SCAPER: variants seen among roughly 807,000 people sequenced by gnomAD.
SCAPER encodes the protein S-phase cyclin A associated protein in the ER.
A neutral mutation model predicts 182.2 loss-of-function variants in SCAPER; 98 were observed. The observed-to-expected ratio is 0.54, with a 90% confidence interval of 0.46 to 0.64. The LOEUF (loss-of-function observed/expected upper bound fraction) is 0.64. SCAPER is among the 30% of genes least tolerant of loss of function. The probability of loss-of-function intolerance (pLI) is 0.00; values close to 1 mark genes in which losing one functional copy is unlikely to be tolerated. For missense variants in SCAPER, 1,432 were observed against 1,690.0 expected (o/e 0.85, Z 2.68); for synonymous variants, 605 against 564.6 (o/e 1.07, Z -1.01).
At chr15:76,725,950 C>A (rs1598391079) in intron 17 of SCAPER, among the ~76,000 whole-genome samples, 1 of 145,444 alleles carries the variant, frequency 6.9e-6, no homozygotes, top group East Asian at 2.0e-4. Flanking sequence ...TTGAATATGA[C>A]AAAAAAAAAG....
At chr15:76,814,779 A>G (rs1285282908) in intron 5 of SCAPER, among the ~76,000 whole-genome samples, 1 of 152,180 alleles carries the variant, frequency 6.6e-6, no homozygotes, top group Non-Finnish European at 1.5e-5. Context: ...CATCAAAATA[A>G]AAACTTTCCT....
chr15:76,389,656 G>T (rs2142006641), intron 27 of SCAPER, among the ~76,000 whole-genome samples: 1 of 150,264 alleles, frequency 6.7e-6, no homozygotes, highest in African/African-American at 2.4e-5. Context: ...TACTAAAAAA[G>T]AAATACAAAA....
chr15:76,752,454 C>A (rs553196438), intron 15 of SCAPER, among the ~76,000 whole-genome samples: 22 of 151,836 alleles, frequency 1.4e-4, no homozygotes, highest in African/African-American at 5.3e-4. Flanking sequence ...GCACTGTTCA[C>A]AATAGCTAAA....
intron 20 of SCAPER, among the ~76,000 whole-genome samples, chr15:76,675,830 G>GT (rs1001781244): frequency 0.017 from 2,520 of 144,688 alleles, 58 homozygotes; most frequent in African/African-American, 0.048. Flanking sequence ...CATGAAACTG[G>GT]TTTTTTTTTT....
At chr15:76,527,189 A>AAAATTAATTTCACCTATAATTTTATC (rs1358309843) in intron 23 of SCAPER, among the ~76,000 whole-genome samples, 2 of 152,200 alleles carry the variant, frequency 1.3e-5, no homozygotes, top group African/African-American at 4.8e-5. Context: ...ACAGTTTTAT[A>AAAATTAATTTCACCTATAATTTTATC]AAATTAATTT....
intron 5 of SCAPER, among the ~76,000 whole-genome samples, chr15:76,815,019 C>A (rs1319912624): frequency 3.4e-5 from 5 of 144,934 alleles, no homozygotes; most frequent in Non-Finnish European, 7.5e-5. Flanking sequence ...AAGTGCTCAA[C>A]ATCAGTAATC....
intron 21 of SCAPER, among the ~76,000 whole-genome samples, chr15:76,627,302 TGTAA>T (rs1218942158): frequency 6.6e-5 from 10 of 152,282 alleles, no homozygotes; most frequent in East Asian, 3.9e-4. Flanking sequence ...AATAGTATAT[TGTAA>T]GTGTCACCTG....
rs184925099 is a variant in SCAPER at position 76,586,263 on chromosome 15, A to T, written c.2712-11979T>A. ...ATACTTGGTCCATTTAGGAACTAAG[A>T]TTGTTCTTTAGCATAATGGATAGGA... On this transcript the variant is annotated intron_variant, in intron 22 of 31. Transcript: ENST00000563290. Among the ~76,000 whole-genome samples the T allele has an allele frequency of 1.6e-4, 25 of 152,324 alleles. No homozygotes were observed. In the East Asian group the frequency reaches 4.6e-3, roughly 28 times the overall value.
intron 20 of SCAPER, among the ~76,000 whole-genome samples, chr15:76,684,106 C>T (rs1227515013): frequency 6.6e-6 from 1 of 151,972 alleles, no homozygotes; most frequent in Non-Finnish European, 1.5e-5. Context: ...CCAGCCTCCA[C>T]AAAAACACAC....
At chr15:76,726,124 A>AATATATACATATATATAT (rs2060571496) in intron 17 of SCAPER, among the ~76,000 whole-genome samples, 1 of 15,348 alleles carries the variant, frequency 6.5e-5, no homozygotes, top group Non-Finnish European at 1.8e-4. Flanking sequence ...TAATGTCTAG[A>AATATATACATATATATAT]ATATATATAT....
At chr15:76,874,974 AAATAAT>A (rs918287708) in intron 2 of SCAPER, among the ~76,000 whole-genome samples, 1 of 152,122 alleles carries the variant, frequency 6.6e-6, no homozygotes, top group Non-Finnish European at 1.5e-5. Flanking sequence ...CCTCTCAAAA[AAATAAT>A]AATAATAATT....
At chr15:76,862,067 C>G (rs2071920809) in intron 3 of SCAPER, 1 of 165,034 alleles carries the variant, frequency 6.1e-6, no homozygotes, top group Non-Finnish European at 1.3e-5. Context: ...TTGGTCTCTC[C>G]CTTGACACGT....
rs145290020 is a variant in SCAPER, at chr15:76,618,584, CT to C, written c.2711+3179del. Among the ~76,000 whole-genome samples, 886 of 151,828 alleles carry C rather than the reference CT, an allele frequency of 5.8e-3. 9 individuals carry two copies. The highest frequency in any genetic ancestry group is 0.02 in the African/African-American group (836 of 41,430). On this transcript the variant is annotated intron_variant, in intron 22 of 31. Coordinates refer to ENST00000563290, the MANE Select transcript of SCAPER (RefSeq NM_020843.4). ...AAAAGTCTTTTATATCTCTTGTTAGCTTTTTTTTCACAAGTAGAACATTATT... is the reference window on the plus strand; with the variant it reads ...AAAAGTCTTTTATATCTCTTGTTAGCTTTTTTTCACAAGTAGAACATTATT...
At chr15:76,407,648 T>C (rs1296399048) in intron 26 of SCAPER, among the ~76,000 whole-genome samples, 2 of 152,230 alleles carry the variant, frequency 1.3e-5, no homozygotes, top group Non-Finnish European at 2.9e-5. Context: ...ATTTCACCTT[T>C]TAAAGACAAT....
At chr15:76,696,223 C>T (rs1353556794) in intron 20 of SCAPER, among the ~76,000 whole-genome samples, 1 of 152,136 alleles carries the variant, frequency 6.6e-6, no homozygotes, top group African/African-American at 2.4e-5. Context: ...CCAGGCGCAC[C>T]CTGGCCAAGA....
intron 27 of SCAPER, among the ~76,000 whole-genome samples, chr15:76,399,014 G>T (rs2044270899): frequency 6.6e-6 from 1 of 152,136 alleles, no homozygotes; most frequent in African/African-American, 2.4e-5. Flanking sequence ...ACCTTAAGGG[G>T]GACCCAATGA....
At chr15:76,474,843 G>A (rs930237205) in intron 24 of SCAPER, among the ~76,000 whole-genome samples, 1 of 152,008 alleles carries the variant, frequency 6.6e-6, no homozygotes, top group African/African-American at 2.4e-5. Flanking sequence ...ATTTTTTCAT[G>A]GTATGCTGAC....
intron 1 of SCAPER, among the ~76,000 whole-genome samples, chr15:76,898,519 A>C (rs988543625): frequency 4.6e-5 from 7 of 152,264 alleles, no homozygotes; most frequent in South Asian, 2.1e-4. Context: ...ATGAATAAAT[A>C]AAATGTGGTA....
At chr15:76,664,659 A>T (rs1008729736) in intron 21 of SCAPER, among the ~76,000 whole-genome samples, 2 of 152,170 alleles carry the variant, frequency 1.3e-5, no homozygotes, top group Non-Finnish European at 2.9e-5. Flanking sequence ...AGGCCCTTAA[A>T]ACATTCAAAA....
Sources: allele counts gnomAD v4.1 joint callset (sites outside exome capture counted in the v4.1 genomes callset), GRCh38; gene constraint gnomAD v4.1.1; transcripts MANE v1.5; gene names NCBI Gene and HGNC (gene_info 2026-07-23, HGNC 2026-07-21).